Variants in DENND1A observed in about 807,000 individuals in gnomAD.
DENND1A encodes the protein DENN domain-containing protein 1A.
Under a neutral mutation model 113.7 loss-of-function variants are expected in DENND1A, and 51 were observed. The ratio of observed to expected loss-of-function variants is 0.45; its 90% confidence interval spans 0.36 to 0.57. The LOEUF is 0.57. DENND1A is among the 20% of genes least tolerant of loss of function. The probability of loss-of-function intolerance (pLI) is 0.00; values close to 1 mark genes in which losing one functional copy is unlikely to be tolerated. For missense variants in DENND1A, 1,258 were observed against 1,395.9 expected (o/e 0.90, Z 1.57); for synonymous variants, 565 against 570.8 (o/e 0.99, Z 0.14).
chr9:123,383,182 C>T (rs968854671), intron 23 of DENND1A, among the ~76,000 whole-genome samples: 1 of 152,220 alleles, frequency 6.6e-6, no homozygotes, highest in African/African-American at 2.4e-5. Context: ...TCAGAAGACC[C>T]CACTTGCAAG....
intron 1 of DENND1A, among the ~76,000 whole-genome samples, chr9:123,902,200 CACACACAT>C (rs1487741984): frequency 9.3e-5 from 14 of 150,656 alleles, no homozygotes; most frequent in African/African-American, 2.5e-4. Flanking sequence ...CACACACACA[CACACACAT>C]ACACACACAC....
intron 2 of DENND1A, among the ~76,000 whole-genome samples, chr9:123,830,716 AT>A (rs1362907625): frequency 6.6e-6 from 1 of 151,556 alleles, no homozygotes; most frequent in Non-Finnish European, 1.5e-5. Flanking sequence ...ATACAAAACA[AT>A]TAGTTGGGTG....
chr9:123,464,618 G>A (rs781000558), intron 13 of DENND1A, among the ~76,000 whole-genome samples: 3 of 151,964 alleles, frequency 2.0e-5, no homozygotes, highest in East Asian at 1.9e-4. Flanking sequence ...ACTGAGTTTC[G>A]GTTTCGCCAG....
intron 2 of DENND1A, among the ~76,000 whole-genome samples, chr9:123,833,206 T>G (rs1044361252): frequency 2.0e-5 from 3 of 151,818 alleles, no homozygotes; most frequent in African/African-American, 4.8e-5. Flanking sequence ...GGAATGGTGT[T>G]TGGAAAGACA....
intron 11 of DENND1A, among the ~76,000 whole-genome samples, chr9:123,590,164 C>T (rs977416416): frequency 6.6e-6 from 1 of 152,196 alleles, no homozygotes; most frequent in Admixed American, 6.5e-5. Flanking sequence ...ACTGAGGCAG[C>T]GGCAAGCCTC....
At chr9:123,709,332 G>T (rs79097800) in intron 5 of DENND1A, among the ~76,000 whole-genome samples, 1 of 152,242 alleles carries the variant, frequency 6.6e-6, no homozygotes, top group Non-Finnish European at 1.5e-5. Context: ...TTGTTCTTGT[G>T]CCTTTTGGAT....
intron 13 of DENND1A, among the ~76,000 whole-genome samples, chr9:123,538,849 T>C (rs569610383): frequency 0.012 from 1,386 of 117,150 alleles, 91 homozygotes; most frequent in Non-Finnish European, 0.018. Flanking sequence ...TATATATATA[T>C]ATATATATAT....
intron 5 of DENND1A, among the ~76,000 whole-genome samples, chr9:123,710,560 C>CACACACACACACACACACACAT (rs60092060): frequency 0.015 from 2,285 of 148,958 alleles, 92 homozygotes; most frequent in African/African-American, 0.025. Context: ...CACACACACA[C>CACACACACACACACACACACAT]TGGCATCATA....
intron 2 of DENND1A, among the ~76,000 whole-genome samples, chr9:123,874,200 T>TAAAAAAAAAAAAAAAAAAAA (rs3050143): frequency 1.1e-5 from 1 of 93,142 alleles, no homozygotes; most frequent in African/African-American, 3.2e-5. Flanking sequence ...ATTTAAAAAG[T>TAAAAAAAAAAAAAAAAAAAA]AAAAAAAAAA....
chr9:123,901,913 G>A (rs1197137819), intron 1 of DENND1A, among the ~76,000 whole-genome samples: 1 of 152,130 alleles, frequency 6.6e-6, no homozygotes, highest in Non-Finnish European at 1.5e-5. Flanking sequence ...GGCTGAGGCA[G>A]GAGAATGGTG....
chr9:123,631,336 C>T (rs926709746), intron 9 of DENND1A, among the ~76,000 whole-genome samples: 2 of 152,102 alleles, frequency 1.3e-5, no homozygotes, highest in African/African-American at 4.8e-5. Flanking sequence ...TATGTTTCTT[C>T]ACTATATTTA....
chr9:123,518,048 T>C (rs2054086769), intron 13 of DENND1A, among the ~76,000 whole-genome samples: 1 of 152,180 alleles, frequency 6.6e-6, no homozygotes, highest in African/African-American at 2.4e-5. Context: ...CTGGCATAAA[T>C]TTTCATGATT....
chr9:123,568,512 A>T (rs1239809070), intron 12 of DENND1A, among the ~76,000 whole-genome samples: 1 of 152,210 alleles, frequency 6.6e-6, no homozygotes, highest in Non-Finnish European at 1.5e-5. Flanking sequence ...TGGGTTCACA[A>T]TGAACATATT....
intron 10 of DENND1A, among the ~76,000 whole-genome samples, chr9:123,613,360 C>T (rs2060503107): frequency 6.6e-6 from 1 of 152,122 alleles, no homozygotes; most frequent in Admixed American, 6.5e-5. Context: ...AAAACTTCTT[C>T]ATATTCAGAA....
chr9:123,877,483 C>T (rs545799086), intron 2 of DENND1A, among the ~76,000 whole-genome samples: 10 of 150,486 alleles, frequency 6.6e-5, no homozygotes, highest in South Asian at 6.3e-4. Flanking sequence ...TGCAAGATGC[C>T]GTCTCAAAAA....
chr9:123,805,692 C>T (rs771233117), intron 2 of DENND1A, among the ~76,000 whole-genome samples: 8 of 151,980 alleles, frequency 5.3e-5, no homozygotes, highest in Non-Finnish European at 1.0e-4. Context: ...CCTTGACCTC[C>T]GAAAGCACTG....
intron 19 of DENND1A, among the ~76,000 whole-genome samples, chr9:123,437,312 C>T (rs769852115): frequency 1.8e-4 from 27 of 152,218 alleles, no homozygotes; most frequent in Non-Finnish European, 3.4e-4. Context: ...AAGGCAGCAC[C>T]TTCTCTCCCC....
Position 123,557,621 on chromosome 9 carries a change from C to T in DENND1A, c.942G>A (p.Lys314=), listed in dbSNP as rs541057603. The T allele has an allele frequency of 1.9e-6, 3 of 1,614,056 alleles. No individual in the cohort carries two copies. In the East Asian group the frequency reaches 6.7e-5, roughly 36 times the overall value. Residue 314 remains lysine, a synonymous_variant, in exon 13 of 24, where the codon AAG becomes AAA. Transcript: ENST00000394215. The part of the protein sequence containing the change: ...TGDGVARAFL[K]AQAAFFGSYR... ...AGCTACCGAAGAAAGCAGCCTGGGC[C>T]TTGAGGAACGCTCTGGCCACACCAT...
chr9:123,843,233 A>C, intron 2 of DENND1A: 2 of 515,392 alleles, frequency 3.9e-6, no homozygotes, highest in South Asian at 3.1e-5. Context: ...AACCAAATGC[A>C]TCCCCTAAAA....
Sources: allele counts gnomAD v4.1 joint callset (sites outside exome capture counted in the v4.1 genomes callset), GRCh38; gene constraint gnomAD v4.1.1; transcripts MANE v1.5; gene names NCBI Gene and HGNC (gene_info 2026-07-23, HGNC 2026-07-21).